The following NR1H3 variants were observed in gnomAD, a reference collection of about 807,000 sequenced individuals.
NR1H3 encodes nuclear receptor subfamily 1 group H member 3.
In NR1H3, 19 loss-of-function variants were observed where a neutral mutation model predicts 48.1. The observed-to-expected ratio is 0.40, with a 90% CI of 0.28 to 0.58. The LOEUF (loss-of-function observed/expected upper bound fraction) is 0.58. NR1H3 is among the 20% of genes least tolerant of loss of function. The pLI, the probability that NR1H3 is intolerant of heterozygous loss-of-function variation, is 0.50. For synonymous variants in NR1H3, 232 were observed against 227.3 expected (o/e 1.02, Z -0.19); for missense variants, 486 against 595.9 (o/e 0.82, Z 1.92).
intron 1 of NR1H3, 27 bp from the exon 2 acceptor site, chr11:47,259,153 A>G: frequency 6.2e-7 from 1 of 1,613,668 alleles, no homozygotes. Flanking sequence ...CAGTTCTAGA[A>G]GAGTATAATC....
chr11:47,260,306 T>C, intron 3 of NR1H3, 103 bp from the exon 4 acceptor site: 3 of 1,424,364 alleles, frequency 2.1e-6, no homozygotes, highest in Admixed American at 4.5e-5. Flanking sequence ...GTTTGTATAA[T>C]GAAGGGAATG....
chr11:47,257,802 G>A (rs1380989080), upstream of NR1H3: 17 of 966,686 alleles, frequency 1.8e-5, no homozygotes, highest in Non-Finnish European at 2.1e-5. Context: ...TGTTTTGGCC[G>A]GGAGTAGGGG....
At chr11:47,249,543 G>T (rs1954439807) in intron 1 of NR1H3, among the ~76,000 whole-genome samples, 1 of 152,176 alleles carries the variant, frequency 6.6e-6, no homozygotes, top group African/African-American at 2.4e-5. Flanking sequence ...CTGAATCCCT[G>T]GGGGAGGAAT....
chr11:47,262,064 C>G (rs368760204), intron 7 of NR1H3, 46 bp downstream of exon 7: 397 of 1,379,546 alleles, frequency 2.9e-4, no homozygotes, highest in Non-Finnish European at 3.8e-4. Flanking sequence ...TGGACAGATG[C>G]TTCTTTTTTT....
At chr11:47,261,811 C>T in intron 6 of NR1H3, 85 bp downstream of exon 6, 1 of 1,604,198 alleles carries the variant, frequency 6.2e-7, no homozygotes, top group Non-Finnish European at 8.5e-7. Context: ...GCTGGGAGAG[C>T]CAAATCTGCT....
intron 8 of NR1H3, 84 bp from the exon 9 acceptor site, chr11:47,268,177 A>G (rs1376821936): frequency 7.7e-7 from 1 of 1,293,024 alleles, no homozygotes; most frequent in Non-Finnish European, 1.1e-6. Context: ...TGGCTGGAGC[A>G]TGTCTCTATA....
intron 7 of NR1H3, among the ~76,000 whole-genome samples, chr11:47,266,527 T>A (rs1025753221): frequency 1.3e-5 from 2 of 151,954 alleles, no homozygotes; most frequent in Non-Finnish European, 2.9e-5. Context: ...AGAGACCGGG[T>A]TTCACTGTGT....
At chr11:47,248,891 C>T, upstream of NR1H3, 3 of 1,547,702 alleles carry the variant, frequency 1.9e-6, no homozygotes, top group Non-Finnish European at 1.7e-6. Flanking sequence ...GAAGTGCGTT[C>T]GCCGCCATCT....
In NR1H3 at chr11:47,268,800, C is replaced by G; in HGVS notation, c.*104C>G. On this transcript the variant is annotated 3_prime_UTR_variant, in exon 10 of 10. Coordinates refer to ENST00000441012, the MANE Select transcript of NR1H3 (RefSeq NM_005693.4). ...TGAGAAGGGCAAACATTCCTGGGAG[C>G]TGGGCAAGGAGATCCTCCCGTGGCA... 1 of 1,421,076 alleles carries G rather than the reference C, an allele frequency of 7.0e-7. No homozygotes were observed. Among genetic ancestry groups the G allele is most frequent in the East Asian group, 2.3e-5 (1 of 43,736 alleles). The allele number at this position is 1,421,076 out of a possible 1,614,324, so 88.0% of individuals were successfully genotyped here. A position where few individuals can be genotyped will look rare whatever the true frequency, so the allele number is the denominator to read the frequency against.
At chr11:47,249,034 G>C (rs1257796291) in intron 1 of NR1H3, 9 of 1,455,778 alleles carry the variant, frequency 6.2e-6, no homozygotes, top group Non-Finnish European at 7.2e-6. Flanking sequence ...AGGGCTCGAA[G>C]ACCTCATCTT....
intron 7 of NR1H3, among the ~76,000 whole-genome samples, chr11:47,265,505 C>G (rs1237867854): frequency 6.6e-6 from 1 of 152,188 alleles, no homozygotes; most frequent in East Asian, 1.9e-4. Flanking sequence ...GAGACATTCT[C>G]TAGGTATCAT....
In NR1H3 at chr11:47,261,730, G is replaced by C; in HGVS notation, c.888+4G>C. ...GCTGAAGACCTCTGCGATCGAGGTGGCTGGAGAAGGGCAAGGGATGAAGGG... is the reference window on the plus strand; with the variant it reads ...GCTGAAGACCTCTGCGATCGAGGTGCCTGGAGAAGGGCAAGGGATGAAGGG... On this transcript the variant is annotated splice_donor_region_variant and intron_variant, in intron 6 of 9. Transcript: ENST00000441012. The C allele has an allele frequency of 1.2e-6, 2 of 1,613,986 alleles. No individual in the cohort carries two copies. Among genetic ancestry groups the C allele is most frequent in the Non-Finnish European group, 1.7e-6 (2 of 1,180,046 alleles).
upstream of NR1H3, chr11:47,257,964 T>C: frequency 1.0e-6 from 1 of 985,628 alleles, no homozygotes; most frequent in Non-Finnish European, 1.2e-6. Context: ...CCCTCAGCCT[T>C]TCCCCAAATT....
In NR1H3 at chr11:47,260,547, G is replaced by T. The variant is rs776890461; in HGVS notation, c.371G>T (p.Arg124Leu). The T allele has an allele frequency of 6.2e-7, 1 of 1,614,218 alleles. No homozygotes were observed. The highest frequency in any genetic ancestry group is 1.7e-5 in the Admixed American group (1 of 60,026). ...SCEGCKGFFR[R>L]SVIKGAHYIC... ...GAGGGCTGCAAGGGATTCTTCCGCC[G>T]CAGCGTCATCAAGGGAGCGCACTAC... Residue 124 changes from arginine (R) to leucine (L), a missense_variant, in exon 4 of 10, where the codon CGC becomes CTC. Coordinates refer to ENST00000441012, the MANE Select transcript of NR1H3 (RefSeq NM_005693.4).
intron 1 of NR1H3, among the ~76,000 whole-genome samples, chr11:47,249,858 G>A (rs899613098): frequency 3.9e-5 from 6 of 151,938 alleles, no homozygotes; most frequent in African/African-American, 1.2e-4. Flanking sequence ...TTGAGAGGCC[G>A]AAGCAGGCAG....
chr11:47,252,209 A>AT (rs1204437995), intron 1 of NR1H3, among the ~76,000 whole-genome samples: 5 of 151,968 alleles, frequency 3.3e-5, no homozygotes, highest in Non-Finnish European at 2.9e-5. Flanking sequence ...TATGTTAGCC[A>AT]TTTTTTTTCC....
chr11:47,249,055 G>C (rs1297782267), intron 1 of NR1H3: 3 of 1,428,886 alleles, frequency 2.1e-6, no homozygotes, highest in Non-Finnish European at 2.8e-6. Context: ...GATTAAGAAG[G>C]CCACAAATTC....
upstream of NR1H3, among the ~76,000 whole-genome samples, chr11:47,256,017 A>G (rs541450478): frequency 6.6e-6 from 1 of 151,590 alleles, no homozygotes; most frequent in South Asian, 2.1e-4. Context: ...AAAAATTACT[A>G]TTATCCCTAT....
chr11:47,255,685 T>C (rs115682557), upstream of NR1H3, among the ~76,000 whole-genome samples: 1,190 of 150,426 alleles, frequency 7.9e-3, 19 homozygotes, highest in African/African-American at 0.027. Flanking sequence ...TTCTTCTTTT[T>C]TTTTGGAGTT....
Sources: gnomAD v4.1 joint callset for allele counts (sites outside exome capture counted in the v4.1 genomes callset) on GRCh38, gnomAD v4.1.1 for gene constraint, MANE v1.5 for transcripts, NCBI Gene and HGNC (gene_info 2026-07-23, HGNC 2026-07-21) for gene names.